The following KLF7 variants were observed in gnomAD, a reference collection of about 807,000 sequenced individuals.
The protein encoded by KLF7 is KLF transcription factor 7, also known as Krueppel-like factor 7.
In KLF7, 2 loss-of-function variants were observed where a neutral mutation model predicts 27.3. The observed-to-expected ratio is 0.07, with a 90% CI of 0.03 to 0.23. The LOEUF (loss-of-function observed/expected upper bound fraction) is 0.23, where lower values mean the gene tolerates loss of function less well. Ranked by LOEUF, KLF7 falls within the 10% of genes least tolerant of loss-of-function variation. KLF7 has a pLI of 1.00. For missense variants in KLF7, 221 were observed against 394.1 expected (o/e 0.56, Z 3.72); for synonymous variants, 165 against 162.4 (o/e 1.02, Z -0.12).
At chr2:207,099,155 T>C (rs67025903) in intron 2 of KLF7, among the ~76,000 whole-genome samples, 36,754 of 151,784 alleles carry the variant, frequency 0.24, 5,124 homozygotes, top group Middle Eastern at 0.32. Flanking sequence ...TCCTAGTGAG[T>C]ATAGCCAAGG....
intron 2 of KLF7, among the ~76,000 whole-genome samples, chr2:207,120,372 T>G (rs778920595): frequency 5.9e-5 from 9 of 152,256 alleles, no homozygotes; most frequent in Non-Finnish European, 1.3e-4. Context: ...GTTACCAACA[T>G]GTATTGTCTT....
At chr2:207,167,045 CTG>C (rs2078737055), upstream of KLF7, 3 of 1,104,354 alleles carry the variant, frequency 2.7e-6, no homozygotes, top group Non-Finnish European at 3.5e-6. Context: ...TGTTGCTCGA[CTG>C]TGCGTTAAAG....
chr2:207,172,642 G>C, the KLF7 span, among the ~76,000 whole-genome samples: 1 of 152,154 alleles, frequency 6.6e-6, no homozygotes, highest in African/African-American at 2.4e-5. Flanking sequence ...AAAAATGTTA[G>C]AGGGCTTCAT....
chr2:207,081,219 A>G lies in KLF7; in HGVS notation c.903T>C (p.His301=), dbSNP rs750354023. 37 of 1,613,860 alleles carry G rather than the reference A, an allele frequency of 2.3e-5. No individual in the cohort carries two copies. The highest frequency in any genetic ancestry group is 3.1e-5 in the Non-Finnish European group (36 of 1,179,882). ...SDHLALHMKR[H]I is the part of the protein sequence containing the mutation. The stretch of plus-strand genomic sequence containing the variant: ...ACTCTGGCCTTTCGGTTTTTTAGAT[A>G]TGTCTCTTCATGTGGAGGGCAAGAT... Residue 301 remains histidine, a synonymous_variant, in exon 4 of 4, where the codon CAT becomes CAC. Transcript: ENST00000309446.
chr2:207,112,792 ATAAAG>A (rs1444453369), intron 2 of KLF7, among the ~76,000 whole-genome samples: 3 of 152,266 alleles, frequency 2.0e-5, no homozygotes, highest in African/African-American at 2.4e-5. Context: ...ACAACAATAT[ATAAAG>A]TAATTACCTT....
intron 3 of KLF7, among the ~76,000 whole-genome samples, chr2:207,085,107 A>G (rs960617924): frequency 2.3e-4 from 32 of 136,320 alleles, no homozygotes; most frequent in Non-Finnish European, 4.3e-4. Context: ...GGTTGCAGTG[A>G]GCCGAGATCG....
chr2:207,094,328 A>G (rs577430941), intron 2 of KLF7, among the ~76,000 whole-genome samples: 2 of 152,340 alleles, frequency 1.3e-5, no homozygotes, highest in African/African-American at 2.4e-5. Context: ...GATTTCTGTT[A>G]AGACTAATTT....
At chr2:207,168,649 A>G (rs2078762639), upstream of KLF7, among the ~76,000 whole-genome samples, 1 of 152,214 alleles carries the variant, frequency 6.6e-6, no homozygotes, top group Non-Finnish European at 1.5e-5. Flanking sequence ...TCTGACTTGC[A>G]AAAGGACTCA....
At chr2:207,160,804 G>T (rs1160929941) in intron 1 of KLF7, among the ~76,000 whole-genome samples, 2 of 152,164 alleles carry the variant, frequency 1.3e-5, no homozygotes, top group African/African-American at 4.8e-5. Flanking sequence ...TTTAGAATGG[G>T]CTGGCAGAAA....
Position 207,124,343 on chromosome 2 carries a change from C to T in KLF7, c.164G>A (p.Gly55Asp), listed in dbSNP as rs779150059. 3.1e-6 allele frequency: 5 copies of T among 1,601,598 alleles called. No individual in the cohort carries two copies. Among genetic ancestry groups the T allele is most frequent in the Admixed American group, 1.7e-5 (1 of 59,658 alleles). ...TEPRRISETF[G>D]EDLDCFLHAS... ...GTGGAGGAAACAGTCCAAGTCCTCA[C>T]CAAAGGTCTCTGAGATCCTCCGGGG... Residue 55 changes from glycine (G) to aspartate (D), a missense_variant, in exon 2 of 4, where the codon GGT becomes GAT. Transcript: ENST00000309446.
chr2:207,124,774 C>T (rs983264922), intron 1 of KLF7, among the ~76,000 whole-genome samples: 6 of 152,130 alleles, frequency 3.9e-5, no homozygotes, highest in Non-Finnish European at 5.9e-5. Context: ...CAAATAGAAA[C>T]AGATAAGGTT....
rs1285574207 is a variant in KLF7, at chr2:207,076,228, G to C, written c.*4985C>G. On this transcript the variant is annotated 3_prime_UTR_variant, in exon 4 of 4. Transcript: ENST00000309446. ...GCAGTAGACAGAAGCTGGACTCACA[G>C]CAAGTTACGATTCCAAAGCTCACAG... 1 of 152,110 alleles carries C rather than the reference G, an allele frequency of 6.6e-6. No individual in the cohort carries two copies. The highest frequency in any genetic ancestry group is 1.5e-5 in the Non-Finnish European group (1 of 68,030). 9.4% of individuals were successfully genotyped at this position (152,110 alleles called of 1,614,324 possible).
intron 2 of KLF7, among the ~76,000 whole-genome samples, chr2:207,102,170 C>T (rs1310920377): frequency 6.6e-6 from 1 of 151,296 alleles, no homozygotes; most frequent in African/African-American, 2.4e-5. Context: ...CCTGCCCTCC[C>T]CCCCAATCTG....
chr2:207,101,267 T>C (rs1403727623), intron 2 of KLF7, among the ~76,000 whole-genome samples: 1 of 152,204 alleles, frequency 6.6e-6, no homozygotes, highest in African/African-American at 2.4e-5. Context: ...TAAAGCTAAA[T>C]GGAAAGGCTC....
At chr2:207,134,719 G>A (rs967536636) in intron 1 of KLF7, among the ~76,000 whole-genome samples, 2 of 152,192 alleles carry the variant, frequency 1.3e-5, no homozygotes, top group Non-Finnish European at 2.9e-5. Context: ...AGAGGCAGAA[G>A]AACAGGGACC....
chr2:207,161,844 A>G (rs1025602255), intron 1 of KLF7, among the ~76,000 whole-genome samples: 4 of 152,202 alleles, frequency 2.6e-5, no homozygotes, highest in African/African-American at 9.6e-5. Flanking sequence ...AGAATGTTCT[A>G]TGATTTATTT....
At chr2:207,137,583 AT>A (rs2077823814) in intron 1 of KLF7, among the ~76,000 whole-genome samples, 1 of 152,232 alleles carries the variant, frequency 6.6e-6, no homozygotes, top group Non-Finnish European at 1.5e-5. Context: ...GTGAGCCAAA[AT>A]CCAATTAAGA....
intron 2 of KLF7, among the ~76,000 whole-genome samples, chr2:207,095,031 C>CTTTTTTTTTT (rs36091471): frequency 2.7e-4 from 22 of 82,428 alleles, no homozygotes; most frequent in East Asian, 4.0e-4. Flanking sequence ...TGTTTTTATT[C>CTTTTTTTTTT]TTTTTTTTTT....
At chr2:207,139,751 A>G (rs2077888609) in intron 1 of KLF7, among the ~76,000 whole-genome samples, 1 of 152,218 alleles carries the variant, frequency 6.6e-6, no homozygotes, top group Admixed American at 6.5e-5. Context: ...GCAATTTCCG[A>G]GTTCTCTCTG....
Sources: allele counts gnomAD v4.1 joint callset (sites outside exome capture counted in the v4.1 genomes callset), GRCh38; gene constraint gnomAD v4.1.1; transcripts MANE v1.5; gene names NCBI Gene and HGNC (gene_info 2026-07-23, HGNC 2026-07-21).